CCDC77: variants seen among roughly 807,000 people sequenced by gnomAD.
The protein encoded by CCDC77 is coiled-coil domain containing 77, also known as coiled-coil domain-containing protein 77.
CCDC77 carries 56 observed loss-of-function variants against 66.8 expected under a neutral mutation model. The ratio of observed to expected loss-of-function variants is 0.84; its 90% CI spans 0.68 to 1.05. The LOEUF (loss-of-function observed/expected upper bound fraction) is 1.05. Ranked by LOEUF, CCDC77 falls within the 50% of genes least tolerant of loss-of-function variation. The pLI is 0.00. For missense variants in CCDC77, 570 were observed against 576.8 expected (o/e 0.99, Z 0.12); for synonymous variants, 196 against 195.2 (o/e 1.00, Z -0.03).
At chr12:391,089 G>A (rs530931510) in intron 1 of CCDC77, among the ~76,000 whole-genome samples, 10 of 152,314 alleles carry the variant, frequency 6.6e-5, no homozygotes, top group Admixed American at 1.3e-4. Flanking sequence ...TGAGAAGAGT[G>A]ACAATGTCAC....
upstream of CCDC77, among the ~76,000 whole-genome samples, chr12:400,259 G>A (rs946474530): frequency 9.2e-5 from 14 of 152,338 alleles, no homozygotes; most frequent in African/African-American, 3.4e-4. Flanking sequence ...TGGCTGGTTT[G>A]ATCTTCTATC....
chr12:440,802 T>C (rs769094875), intron 11 of CCDC77, 42 bp from the exon 12 acceptor site: 1 of 1,612,998 alleles, frequency 6.2e-7, no homozygotes, highest in Non-Finnish European at 8.5e-7. Flanking sequence ...GGGAAGACGC[T>C]TCCCTCACCT....
At position 415,415 on chromosome 12, in the gene CCDC77, T is replaced by TAATATTAACATA. The variant is rs1288017251; in HGVS notation, c.271-3078_271-3077insATATTAACATAA. Among the ~76,000 whole-genome samples, 74 of 19,680 alleles carry TAATATTAACATA rather than the reference T, an allele frequency of 3.8e-3. 27 individuals are homozygous for TAATATTAACATA. Among genetic ancestry groups the TAATATTAACATA allele is most frequent in the Middle Eastern group, 0.1 (2 of 20 alleles). 12.9% of individuals were successfully genotyped at this position (19,680 alleles called of 152,430 possible). A position where few individuals can be genotyped will look rare whatever the true frequency, so the allele number is the denominator to read the frequency against. ...TAATATAATCAACATAATATGTTGA[T>TAATATTAACATA]ATTATTAACATAATTAACATAATAA... On this transcript the variant is annotated intron_variant, in intron 4 of 12. Coordinates refer to ENST00000239830, the MANE Select transcript of CCDC77 (RefSeq NM_032358.4).
chr12:413,464 C>T (rs1945156283), intron 4 of CCDC77, among the ~76,000 whole-genome samples: 1 of 151,816 alleles, frequency 6.6e-6, no homozygotes, highest in Admixed American at 6.6e-5. Flanking sequence ...TGGTCTCGAT[C>T]GCCTGACCTC....
intron 1 of CCDC77, among the ~76,000 whole-genome samples, chr12:394,053 T>C (rs1396467495): frequency 1.3e-5 from 2 of 152,268 alleles, no homozygotes; most frequent in Non-Finnish European, 2.9e-5. Flanking sequence ...TCCAAAATTA[T>C]AATTTTCACT....
chr12:438,526 G>A lies in CCDC77; in HGVS notation c.1013G>A (p.Ser338Asn), dbSNP rs148861801. The change falls in exon 10 of 13, where the codon AGT becomes AAT. Residue 338 changes from serine to asparagine, a missense_variant. Coordinates refer to ENST00000239830, the MANE Select transcript of CCDC77 (RefSeq NM_032358.4). ...AAAGTGTTGCCCGTTATGCATGAGAGTCACCATGCTCAAAGTGAATATATT... is the reference window on the plus strand; with the variant it reads ...AAAGTGTTGCCCGTTATGCATGAGAATCACCATGCTCAAAGTGAATATATT... Reference protein sequence around the residue: ...IGKVLPVMHESHHAQSEYIKS... With the variant: ...IGKVLPVMHENHHAQSEYIKS... 118 of 1,612,526 alleles carry A rather than the reference G, an allele frequency of 7.3e-5. No individual in the cohort carries two copies. The highest frequency in any genetic ancestry group is 9.3e-5 in the Non-Finnish European group (110 of 1,178,764).
intron 9 of CCDC77, 116 bp downstream of exon 9, chr12:433,438 G>A: frequency 6.8e-7 from 1 of 1,469,104 alleles, no homozygotes; most frequent in Non-Finnish European, 9.0e-7. Context: ...GCCTTGAAAA[G>A]ACTGTCTTCC....
At chr12:414,136 G>T (rs1207665782) in intron 4 of CCDC77, among the ~76,000 whole-genome samples, 2 of 149,620 alleles carry the variant, frequency 1.3e-5, no homozygotes, top group African/African-American at 5.0e-5. Flanking sequence ...CTGTCTGCCA[G>T]GCTGGAGTGC....
At chr12:389,373 C>T in exon 1 of CCDC77, 1 of 591,488 alleles carries the variant, frequency 1.7e-6, no homozygotes, top group South Asian at 1.9e-5. Context: ...TGCACGACGC[C>T]TGTGTGTCTG....
chr12:407,782 A>ATTTTTTTTTTTTTTTTTTTTTTT (rs386375348), intron 2 of CCDC77, among the ~76,000 whole-genome samples: 1 of 100,436 alleles, frequency 1.0e-5, no homozygotes. Flanking sequence ...AGGACTGAAG[A>ATTTTTTTTTTTTTTTTTTTTTTT]TTTTTTTTTT....
upstream of CCDC77, among the ~76,000 whole-genome samples, chr12:399,432 A>T (rs536594295): frequency 7.9e-5 from 12 of 152,172 alleles, no homozygotes; most frequent in Non-Finnish European, 1.8e-4. Flanking sequence ...AGCCTCCCAA[A>T]GTGCTGGGAT....
intron 2 of CCDC77, among the ~76,000 whole-genome samples, chr12:408,509 TA>T (rs571071180): frequency 3.2e-4 from 48 of 152,172 alleles, no homozygotes; most frequent in Non-Finnish European, 1.3e-4. Flanking sequence ...TACTCTGCCT[TA>T]ATTTCTATTT....
intron 3 of CCDC77, among the ~76,000 whole-genome samples, chr12:410,584 A>G (rs535798699): frequency 2.0e-4 from 30 of 149,014 alleles, no homozygotes; most frequent in African/African-American, 7.2e-4. Context: ...AGGTTCCGCT[A>G]TGTTGGCCAG....
chr12:398,159 T>A (rs543989181), upstream of CCDC77, among the ~76,000 whole-genome samples: 2 of 152,332 alleles, frequency 1.3e-5, no homozygotes, highest in South Asian at 4.1e-4. Flanking sequence ...CTTCCTTTCA[T>A]GAAAGATTTC....
chr12:395,248 T>C (rs563075884), intron 1 of CCDC77: 7 of 152,338 alleles, frequency 4.6e-5, no homozygotes, highest in African/African-American at 1.4e-4. Flanking sequence ...CTGGGTAATT[T>C]TGTTTTATTT....
intron 2 of CCDC77, among the ~76,000 whole-genome samples, chr12:407,912 C>T (rs960419845): frequency 6.6e-6 from 1 of 151,666 alleles, no homozygotes; most frequent in South Asian, 2.1e-4. Context: ...CTCAGCCTCC[C>T]GAGTAGCTGG....
intron 5 of CCDC77, among the ~76,000 whole-genome samples, chr12:423,257 G>A (rs1381132898): frequency 6.9e-6 from 1 of 145,290 alleles, no homozygotes; most frequent in African/African-American, 2.5e-5. Context: ...CCAAGTAGCT[G>A]TGACTACATG....
At chr12:412,013 T>C (rs367746217) in intron 4 of CCDC77, 35 bp downstream of exon 4, 62 of 1,487,656 alleles carry the variant, frequency 4.2e-5, no homozygotes, top group Non-Finnish European at 5.7e-5. Context: ...AGAACTCTGA[T>C]GGAGTCTTCA....
intron 4 of CCDC77, among the ~76,000 whole-genome samples, chr12:412,522 G>A (rs1945132879): frequency 1.3e-5 from 2 of 152,200 alleles, no homozygotes; most frequent in South Asian, 4.1e-4. Flanking sequence ...GTGAGGGGTT[G>A]TCCTGTGCGT....
Sources: allele counts gnomAD v4.1 joint callset (sites outside exome capture counted in the v4.1 genomes callset), GRCh38; gene constraint gnomAD v4.1.1; transcripts MANE v1.5; gene names NCBI Gene and HGNC (gene_info 2026-07-23, HGNC 2026-07-21).